The following RTL4 variants were observed in gnomAD, a reference collection of about 807,000 sequenced individuals.
RTL4 encodes the protein retrotransposon Gag like 4.
A neutral mutation model predicts 5.3 loss-of-function variants in RTL4; 4 were observed. The ratio of observed to expected loss-of-function variants is 0.75; its 90% CI spans 0.37 to 1.72. The LOEUF (loss-of-function observed/expected upper bound fraction) is 1.72, where lower values mean the gene tolerates loss of function less well. RTL4 is among the 40% of genes most tolerant of loss of function. RTL4 has a pLI of 0.04. For synonymous variants in RTL4, 98 were observed against 87.3 expected, an observed-to-expected ratio of 1.12 and a Z score of -0.68; for missense variants, 260 against 227.1, an observed-to-expected ratio of 1.14 and a Z score of -0.93.
the RTL4 span, among the ~76,000 whole-genome samples, chrX:112,423,747 T>C: frequency 8.9e-6 from 1 of 111,808 alleles, no homozygotes; most frequent in Non-Finnish European, 1.9e-5. Context: ...ATTTTAAAAG[T>C]GGTCTTGCTA....
the RTL4 span, among the ~76,000 whole-genome samples, chrX:112,348,423 T>A: frequency 2.7e-5 from 3 of 109,332 alleles, no homozygotes; most frequent in South Asian, 7.9e-4. Context: ...ATTTCTTTAG[T>A]CTCATTTTCT....
the RTL4 span, among the ~76,000 whole-genome samples, chrX:112,188,963 T>C: frequency 9.0e-6 from 1 of 111,398 alleles, no homozygotes; most frequent in Non-Finnish European, 1.9e-5. Context: ...CCAGGTATCC[T>C]GGGCTCCAGA....
At chrX:112,419,823 G>A in the RTL4 span, among the ~76,000 whole-genome samples, 1 of 107,380 alleles carries the variant, frequency 9.3e-6, no homozygotes, top group Non-Finnish European at 1.9e-5. Flanking sequence ...GATGCAGCCA[G>A]GGCTACCATA....
At chrX:112,180,611 T>C in the RTL4 span, among the ~76,000 whole-genome samples, 403 of 112,011 alleles carry the variant, frequency 3.6e-3, 1 homozygote, top group Non-Finnish European at 5.7e-3. Context: ...GTCAAAGAAA[T>C]GTGATCTCAT....
At chrX:112,154,851 T>C in the RTL4 span, among the ~76,000 whole-genome samples, 2 of 111,828 alleles carry the variant, frequency 1.8e-5, no homozygotes, top group Admixed American at 9.5e-5. Flanking sequence ...ATGACTGCTA[T>C]GGTCTGAATG....
chrX:112,362,754 ACT>A, the RTL4 span, among the ~76,000 whole-genome samples: 1 of 109,657 alleles, frequency 9.1e-6, no homozygotes, highest in Non-Finnish European at 1.9e-5. Context: ...TTCCCAACAG[ACT>A]CTCTCAGTTC....
At chrX:112,380,122 T>C in the RTL4 span, among the ~76,000 whole-genome samples, 2 of 108,929 alleles carry the variant, frequency 1.8e-5, no homozygotes, top group East Asian at 5.7e-4. Context: ...GAATAATGGA[T>C]TTGAGATTCA....
At chrX:112,332,450 G>T in the RTL4 span, among the ~76,000 whole-genome samples, 33 of 110,887 alleles carry the variant, frequency 3.0e-4, no homozygotes, top group South Asian at 7.9e-4. Context: ...CAACAATGCA[G>T]ACTGGATTAA....
the RTL4 span, among the ~76,000 whole-genome samples, chrX:112,348,778 G>A: frequency 0.34 from 37,383 of 108,604 alleles, 6,566 homozygotes; most frequent in African/African-American, 0.67. Flanking sequence ...CAAGTGGTTA[G>A]AGGCAATTAG....
the RTL4 span, among the ~76,000 whole-genome samples, chrX:112,161,832 C>CTTTCTTTCTTTCTTT: frequency 1.1e-3 from 29 of 26,636 alleles, no homozygotes; most frequent in African/African-American, 2.4e-3. Context: ...TTCCTTCCTT[C>CTTTCTTTCTTTCTTT]CTTCCTTCCT....
the RTL4 span, among the ~76,000 whole-genome samples, chrX:112,269,658 A>G: frequency 8.9e-6 from 1 of 112,167 alleles, no homozygotes; most frequent in Non-Finnish European, 1.9e-5. Flanking sequence ...CACAGACTTG[A>G]TAAAGACTGG....
the RTL4 span, among the ~76,000 whole-genome samples, chrX:112,403,921 G>T: frequency 8.9e-6 from 1 of 112,139 alleles, no homozygotes; most frequent in Non-Finnish European, 1.9e-5. Context: ...AAAATCAAGA[G>T]ATCACACATA....
the RTL4 span, among the ~76,000 whole-genome samples, chrX:112,151,764 G>A: frequency 3.6e-5 from 4 of 111,472 alleles, no homozygotes; most frequent in Non-Finnish European, 5.7e-5. Flanking sequence ...GCTTTAATCC[G>A]TTCAAAGCAA....
chrX:112,288,909 G>C, the RTL4 span, among the ~76,000 whole-genome samples: 2 of 111,887 alleles, frequency 1.8e-5, no homozygotes, highest in African/African-American at 6.5e-5. Flanking sequence ...CACAGGATGA[G>C]GATTCACATG....
the RTL4 span, among the ~76,000 whole-genome samples, chrX:112,329,350 A>G: frequency 1.8e-5 from 2 of 111,901 alleles, no homozygotes; most frequent in African/African-American, 6.5e-5. Context: ...CCACAGAAAT[A>G]CAAACTACCA....
the RTL4 span, among the ~76,000 whole-genome samples, chrX:112,411,123 C>T: frequency 9.0e-6 from 1 of 111,205 alleles, no homozygotes; most frequent in South Asian, 3.7e-4. Flanking sequence ...AAATGAATTC[C>T]TAGACACATA....
the RTL4 span, among the ~76,000 whole-genome samples, chrX:112,343,564 T>C: frequency 0.041 from 4,628 of 112,125 alleles, 250 homozygotes; most frequent in African/African-American, 0.14. Flanking sequence ...TAGAACTGAT[T>C]TCTTTATTGT....
chrX:112,254,834 G>A, the RTL4 span, among the ~76,000 whole-genome samples: 2 of 111,769 alleles, frequency 1.8e-5, no homozygotes, highest in Admixed American at 1.9e-4. Context: ...ATGAGTATAT[G>A]TTAAAGAATT....
chrX:112,102,983 G>A, the RTL4 span, among the ~76,000 whole-genome samples: 21 of 112,037 alleles, frequency 1.9e-4, no homozygotes, highest in Non-Finnish European at 2.4e-4. Flanking sequence ...ATTGTTGGTA[G>A]GAGTGTAAAT....
Sources: allele counts gnomAD v4.1 joint callset (sites outside exome capture counted in the v4.1 genomes callset), GRCh38; gene constraint gnomAD v4.1.1; transcripts MANE v1.5; gene names NCBI Gene and HGNC (gene_info 2026-07-23, HGNC 2026-07-21).